KDM6A: variants seen among roughly 807,000 people sequenced by gnomAD.
KDM6A encodes lysine-specific demethylase 6A.
KDM6A carries 11 observed loss-of-function variants against 117.6 expected under a neutral mutation model. The ratio of observed to expected loss-of-function variants is 0.09; its 90% CI spans 0.06 to 0.15. The LOEUF is 0.15. Ranked by LOEUF, KDM6A falls within the 10% of genes least tolerant of loss-of-function variation. KDM6A has a pLI of 1.00. For synonymous variants in KDM6A, 384 were observed against 396.1 expected (o/e 0.97, Z 0.36); for missense variants, 799 against 1,077.3 (o/e 0.74, Z 3.62).
intron 2 of KDM6A, among the ~76,000 whole-genome samples, chrX:44,906,326 T>C (rs2034656878): frequency 9.1e-6 from 1 of 110,232 alleles, no homozygotes; most frequent in Admixed American, 9.7e-5. Flanking sequence ...TTTTTTTAAA[T>C]GTTTAGTAAA....
At chrX:44,890,601 T>C (rs920206486) in intron 2 of KDM6A, among the ~76,000 whole-genome samples, 1 of 107,898 alleles carries the variant, frequency 9.3e-6, no homozygotes, top group South Asian at 4.1e-4. Context: ...TAGGTCATTA[T>C]GGTTTTAATG....
chrX:44,913,224 TTAA>T (rs1027863599), intron 2 of KDM6A, among the ~76,000 whole-genome samples: 7 of 111,791 alleles, frequency 6.3e-5, no homozygotes, highest in African/African-American at 2.0e-4. Flanking sequence ...TATGATTTTC[TTAA>T]TAATATTTTC....
chrX:44,973,034 C>CAA (rs56660954), intron 3 of KDM6A, among the ~76,000 whole-genome samples: 4,876 of 98,352 alleles, frequency 0.05, 341 homozygotes, highest in African/African-American at 0.17. Flanking sequence ...GACCCCATCT[C>CAA]AAAAAAAAAA....
intron 2 of KDM6A, 45 bp downstream of exon 2, chrX:44,874,032 G>C: frequency 8.8e-7 from 1 of 1,139,862 alleles, no homozygotes; most frequent in Non-Finnish European, 1.2e-6. Flanking sequence ...CTCCCTGGCC[G>C]GCGCCGCGCT....
At chrX:45,041,661 G>A (rs1037141133) in intron 8 of KDM6A, among the ~76,000 whole-genome samples, 4 of 109,155 alleles carry the variant, frequency 3.7e-5, no homozygotes, top group African/African-American at 1.4e-4. Flanking sequence ...ATGGGCGGCC[G>A]GGCAGAGACG....
chrX:45,090,072 CAAATT>C (rs2045827022), intron 26 of KDM6A, 142 bp downstream of exon 26: 16 of 475,207 alleles, frequency 3.4e-5, no homozygotes, highest in Non-Finnish European at 5.6e-5. Context: ...CGTAGTACAA[CAAATT>C]AAATTCAAGT....
At chrX:44,915,712 A>G (rs1372165020) in intron 2 of KDM6A, among the ~76,000 whole-genome samples, 1 of 111,338 alleles carries the variant, frequency 9.0e-6, no homozygotes, top group Admixed American at 9.6e-5. Flanking sequence ...GCTTATCTAC[A>G]CTGTTTACAC....
At chrX:44,990,574 A>ATAAATAAC (rs1296307411) in intron 4 of KDM6A, among the ~76,000 whole-genome samples, 1 of 110,002 alleles carries the variant, frequency 9.1e-6, no homozygotes, top group Non-Finnish European at 1.9e-5. Flanking sequence ...AAATAAATAA[A>ATAAATAAC]TAAATAAATA....
chrX:45,090,612 T>G, intron 26 of KDM6A, 111 bp from the exon 27 acceptor site: 1 of 792,063 alleles, frequency 1.3e-6, no homozygotes. Context: ...TTTATAGTGT[T>G]TTGAGGTTTT....
At chrX:45,018,492 G>A (rs940086139) in intron 5 of KDM6A, among the ~76,000 whole-genome samples, 3 of 111,103 alleles carry the variant, frequency 2.7e-5, no homozygotes, top group African/African-American at 9.8e-5. Context: ...GTTTCTTTGC[G>A]CCCGTGTGAC....
intron 2 of KDM6A, among the ~76,000 whole-genome samples, chrX:44,906,323 A>T (rs1418747923): frequency 1.0e-4 from 11 of 109,537 alleles, no homozygotes; most frequent in African/African-American, 3.3e-4. Context: ...AATTTTTTTT[A>T]AATGTTTAGT....
intron 1 of KDM6A, 41 bp downstream of exon 1, chrX:44,873,753 C>T (rs981023554): frequency 3.5e-6 from 4 of 1,158,765 alleles, no homozygotes; most frequent in Admixed American, 2.6e-5. Context: ...TCCGGACGGG[C>T]AGTAGCCGCT....
chrX:45,087,974 A>G (rs1177697955), intron 25 of KDM6A, among the ~76,000 whole-genome samples: 1 of 111,668 alleles, frequency 9.0e-6, no homozygotes, highest in Admixed American at 9.5e-5. Context: ...TATGGCTTTA[A>G]ATAATACCTG....
rs1221331192 is a variant in KDM6A, at chrX:44,873,370, GCCGCCGCCGCCGCCGCCTTCA to G, written c.-171_-151del. 3.6e-6 allele frequency: 2 copies of G among 555,947 alleles called. No homozygotes were observed. The highest frequency in any genetic ancestry group is 5.2e-6 in the Non-Finnish European group (2 of 382,927). 45.8% of individuals were successfully genotyped at this position (555,947 alleles called of 1,213,427 possible). On this transcript the variant is annotated 5_prime_UTR_variant, in exon 1 of 30. Transcript: ENST00000611820. ...CCGACCCGGGGGCTCCGCAGCCCCT[GCCGCCGCCGCCGCCGCCTTCA>G]CCGCCGCCGCGTTGGGATTTTTCGT...
chrX:44,997,746 G>A (rs924919805), intron 4 of KDM6A, among the ~76,000 whole-genome samples: 2 of 111,961 alleles, frequency 1.8e-5, no homozygotes, highest in Admixed American at 9.5e-5. Context: ...ACTCACTCTG[G>A]GTTTTTGGGA....
intron 2 of KDM6A, among the ~76,000 whole-genome samples, chrX:44,892,863 C>T (rs964538925): frequency 9.2e-6 from 1 of 108,578 alleles, no homozygotes; most frequent in Admixed American, 9.9e-5. Flanking sequence ...GTTAGCCAGG[C>T]GTGGTGGCAC....
At chrX:44,984,313 C>T (rs1018192526) in intron 4 of KDM6A, among the ~76,000 whole-genome samples, 1 of 111,236 alleles carries the variant, frequency 9.0e-6, no homozygotes, top group African/African-American at 3.3e-5. Flanking sequence ...GGATATTAGC[C>T]CTTTGTCAGA....
chrX:45,083,329 C>T, intron 23 of KDM6A, 131 bp from the exon 24 acceptor site: 5 of 583,425 alleles, frequency 8.6e-6, no homozygotes, highest in Non-Finnish European at 1.0e-5. Context: ...TAAGCATTTT[C>T]TTATGGAAAA....
intron 27 of KDM6A, chrX:45,106,615 A>G (rs1603051808): frequency 5.9e-6 from 2 of 341,592 alleles, no homozygotes; most frequent in South Asian, 2.6e-5. Flanking sequence ...TCTCCGTTCA[A>G]ATGGAGAACC....
Sources: allele counts gnomAD v4.1 joint callset (sites outside exome capture counted in the v4.1 genomes callset), GRCh38; gene constraint gnomAD v4.1.1; transcripts MANE v1.5; gene names NCBI Gene and HGNC (gene_info 2026-07-23, HGNC 2026-07-21).